IL17RB: variants seen among roughly 807,000 people sequenced by gnomAD.
IL17RB encodes the protein interleukin-17 receptor B.
In IL17RB, 36 loss-of-function variants were observed where a neutral mutation model predicts 43.9. The observed-to-expected ratio is 0.82, with a 90% CI of 0.63 to 1.08. IL17RB has a LOEUF of 1.08. Ranked by LOEUF, IL17RB falls within the 50% of genes least tolerant of loss-of-function variation. IL17RB has a pLI of 0.00. For synonymous variants in IL17RB, 225 were observed against 225.4 expected (o/e 1.00, Z 0.02); for missense variants, 613 against 613.6 (o/e 1.00, Z 0.01).
chr3:53,865,599 C>T lies in IL17RB; in HGVS notation c.*291C>T. 3 of 350,346 alleles carry T rather than the reference C, an allele frequency of 8.6e-6. No homozygotes were observed. The highest frequency in any genetic ancestry group is 1.6e-5 in the Non-Finnish European group (3 of 191,316). The allele number at this position is 350,346 out of a possible 1,614,324, so 21.7% of individuals were successfully genotyped here. ...CAATAAAGCATCTTCAGCCAAACAT[C>T]TAGTCTTCCATAGACCATGCATTGC... is the stretch of plus-strand genomic sequence containing the variant. On this transcript the variant is annotated 3_prime_UTR_variant, in exon 11 of 11. Coordinates refer to ENST00000288167, the MANE Select transcript of IL17RB (RefSeq NM_018725.4).
chr3:53,860,474 C>A (rs1576844996), intron 10 of IL17RB: 5 of 348,942 alleles, frequency 1.4e-5, no homozygotes, highest in East Asian at 1.3e-4. Flanking sequence ...TACCATTGAG[C>A]CTTCTACCAG....
chr3:53,852,588 T>C (rs2107010402), intron 4 of IL17RB, among the ~76,000 whole-genome samples: 1 of 152,292 alleles, frequency 6.6e-6, no homozygotes, highest in Non-Finnish European at 1.5e-5. Context: ...TTCGGCTACT[T>C]CTCTGTTTTG....
intron 5 of IL17RB, among the ~76,000 whole-genome samples, chr3:53,854,356 G>A (rs561211448): frequency 6.6e-6 from 1 of 152,292 alleles, no homozygotes; most frequent in African/African-American, 2.4e-5. Flanking sequence ...CTAAACTCCA[G>A]ACTTTATTTG....
chr3:53,851,998 G>T lies in IL17RB; in HGVS notation c.227-1G>T. 6.2e-7 allele frequency: 1 copy of T among 1,614,112 alleles called. No homozygotes were observed. Among genetic ancestry groups the T allele is most frequent in the Non-Finnish European group, 8.5e-7 (1 of 1,180,010 alleles). ...CAATGTCCTCTTGCCTATCTCGGCA[G>T]CCAGCATCCGCTTGTTGAAGGCCAC... On this transcript the variant is annotated splice_acceptor_variant, in intron 3 of 10. Coordinates refer to ENST00000288167, the MANE Select transcript of IL17RB (RefSeq NM_018725.4). LOFTEE classifies it high-confidence loss of function.
At chr3:53,851,900 C>T in intron 3 of IL17RB, 99 bp from the exon 4 acceptor site, 1 of 1,366,554 alleles carries the variant, frequency 7.3e-7, no homozygotes, top group Non-Finnish European at 1.0e-6. Flanking sequence ...TGAATATGAA[C>T]CGAGACATAA....
At chr3:53,849,626 A>G in intron 2 of IL17RB, 29 bp from the exon 3 acceptor site, 2 of 1,569,696 alleles carry the variant, frequency 1.3e-6, no homozygotes, top group Non-Finnish European at 1.7e-6. Flanking sequence ...TGGGAAAGAC[A>G]GTGTCATGGA....
chr3:53,855,622 T>C (rs1699305952), intron 6 of IL17RB, among the ~76,000 whole-genome samples: 2 of 152,208 alleles, frequency 1.3e-5, no homozygotes, highest in Admixed American at 1.3e-4. Flanking sequence ...GTTAACAACA[T>C]TTTAGCCCAA....
intron 7 of IL17RB, among the ~76,000 whole-genome samples, chr3:53,857,386 A>G (rs1416488888): frequency 6.6e-6 from 1 of 152,170 alleles, no homozygotes; most frequent in Non-Finnish European, 1.5e-5. Context: ...CCCGGGCTCA[A>G]GTGATCCTCC....
At chr3:53,858,981 A>G (rs1186556572) in intron 9 of IL17RB, 163 bp downstream of exon 9, 4 of 530,642 alleles carry the variant, frequency 7.5e-6, no homozygotes, top group African/African-American at 1.9e-5. Flanking sequence ...GCTGTCCCAG[A>G]GAACCTAGAA....
rs917566822 is a variant in IL17RB at position 53,864,343 on chromosome 3, T to A, written c.947-403T>A. ...CGAGGTCAGGAGATCGAGACCATCC[T>A]GGCTAACAGGGTGAAACCCCGTCTC... On this transcript the variant is annotated intron_variant, in intron 10 of 10. Coordinates refer to ENST00000288167, the MANE Select transcript of IL17RB (RefSeq NM_018725.4). 2.6e-5 allele frequency among the ~76,000 whole-genome samples: 4 copies of A among 152,190 alleles called. No individual in the cohort carries two copies. The South Asian group carries it at 8.3e-4, about 31-fold the overall frequency.
intron 6 of IL17RB, 81 bp downstream of exon 6, chr3:53,855,422 GA>G (rs1338860176): frequency 1.0e-6 from 1 of 980,878 alleles, no homozygotes; most frequent in Non-Finnish European, 1.6e-6. Context: ...TCTTTGCACA[GA>G]AGAACTGAGC....
Position 53,856,921 on chromosome 3 carries a change from C to A in IL17RB, c.607C>A (p.Leu203Met), listed in dbSNP as rs537483953. 4 of 1,614,088 alleles carry A rather than the reference C, an allele frequency of 2.5e-6. No individual in the cohort carries two copies. The South Asian group carries it at 3.3e-5, about 13-fold the overall frequency. The stretch of plus-strand genomic sequence containing the variant: ...AGAAGTGAACTTCACAACCACTCCC[C>A]TGGGAAACAGATACATGGCTCTTAT... ...TVEVNFTTTP[L>M]GNRYMALIQH... Residue 203 changes from leucine (L) to methionine (M), a missense_variant, in exon 7 of 11, where the codon CTG (leucine) becomes ATG (methionine). Physicochemically the swap from Leu to Met is conservative, Grantham distance 15. Coordinates refer to ENST00000288167, the MANE Select transcript of IL17RB (RefSeq NM_018725.4).
At chr3:53,860,369 C>G in intron 10 of IL17RB, 141 bp downstream of exon 10, 1 of 566,374 alleles carries the variant, frequency 1.8e-6, no homozygotes, top group Non-Finnish European at 3.1e-6. Context: ...TTCAAGTGCT[C>G]CTACAGAGAC....
At chr3:53,850,347 A>G (rs1442050075) in intron 3 of IL17RB, among the ~76,000 whole-genome samples, 1 of 151,670 alleles carries the variant, frequency 6.6e-6, no homozygotes, top group Non-Finnish European at 1.5e-5. Context: ...GAATACAAAA[A>G]TTAGCCAGAT....
At position 53,857,699 on chromosome 3, in the gene IL17RB, C is replaced by T; in HGVS notation, c.747+9C>T. 6.2e-7 allele frequency: 1 copy of T among 1,609,506 alleles called. No homozygotes were observed. Among genetic ancestry groups the T allele is most frequent in the Non-Finnish European group, 8.5e-7 (1 of 1,175,864 alleles). ...AAGGTGCTACGGTGCAGGTAAAGTT[C>T]AGTGAGCTGCTCTGGGGAGGGAAGG... On this transcript the variant is annotated intron_variant, in intron 8 of 10. Transcript: ENST00000288167.
chr3:53,858,192 G>T (rs541728192), intron 8 of IL17RB: 2 of 227,104 alleles, frequency 8.8e-6, no homozygotes, highest in African/African-American at 2.3e-5. Flanking sequence ...GACACAGGAG[G>T]TCCAGTGGGA....
rs774053533 is a variant in IL17RB at position 53,865,122 on chromosome 3, C to G, written c.1323C>G (p.His441Gln). ...ATCTAAGAAGCCAGATTCATCTGCA[C>G]AAATACGTGGTGGTCTACTTTAGAG... ...CSDLRSQIHL[H>Q]KYVVVYFREI... The change falls in exon 11 of 11, where the codon CAC becomes CAG. Residue 441 changes from histidine (H) to glutamine (Q), a missense_variant. Physicochemically the swap from His to Gln is conservative, Grantham distance 24. Coordinates refer to ENST00000288167, the MANE Select transcript of IL17RB (RefSeq NM_018725.4). The G allele has an allele frequency of 6.2e-7, 1 of 1,614,144 alleles. No homozygotes were observed. Among genetic ancestry groups the G allele is most frequent in the South Asian group, 1.1e-5 (1 of 91,078 alleles).
At chr3:53,852,285 G>A (rs1393201055) in intron 4 of IL17RB, among the ~76,000 whole-genome samples, 159 bp downstream of exon 4, 1 of 152,114 alleles carries the variant, frequency 6.6e-6, no homozygotes, top group African/African-American at 2.4e-5. Flanking sequence ...GGGACTACAG[G>A]CATGAGCCAC....
At chr3:53,856,253 C>T (rs1189468214) in intron 6 of IL17RB, among the ~76,000 whole-genome samples, 1 of 152,192 alleles carries the variant, frequency 6.6e-6, no homozygotes, top group East Asian at 1.9e-4. Flanking sequence ...ATTGTTGTTC[C>T]TGGAAATCAG....
Sources: allele counts gnomAD v4.1 joint callset (sites outside exome capture counted in the v4.1 genomes callset), GRCh38; gene constraint gnomAD v4.1.1; transcripts MANE v1.5; gene names NCBI Gene and HGNC (gene_info 2026-07-23, HGNC 2026-07-21).